Variants in TBX20 observed in about 807,000 individuals in gnomAD.
TBX20 encodes the protein T-box transcription factor TBX20.
A neutral mutation model predicts 42.9 loss-of-function variants in TBX20; 8 were observed. The ratio of observed to expected loss-of-function variants is 0.19; its 90% CI spans 0.11 to 0.34. The LOEUF (loss-of-function observed/expected upper bound fraction) is 0.34. Among genes scored for constraint, TBX20 ranks in the 10% least tolerant of loss-of-function variants. The probability of loss-of-function intolerance (pLI) is 1.00; values close to 1 mark genes in which losing one functional copy is unlikely to be tolerated. For synonymous variants in TBX20, 198 were observed against 222.8 expected (o/e 0.89, Z 0.99); for missense variants, 411 against 566.0 (o/e 0.73, Z 2.78).
chr7:35,222,737 T>G (rs1008713491), intron 6 of TBX20, among the ~76,000 whole-genome samples: 1 of 151,942 alleles, frequency 6.6e-6, no homozygotes, highest in African/African-American at 2.4e-5. Flanking sequence ...TGTAATCAGG[T>G]CTGTGTGGTG....
At chr7:35,216,010 G>C (rs370663641) in intron 6 of TBX20, among the ~76,000 whole-genome samples, 12 of 152,160 alleles carry the variant, frequency 7.9e-5, no homozygotes, top group East Asian at 7.7e-4. Flanking sequence ...ATTCTCCTTT[G>C]CAACACCATT....
At chr7:35,211,419 G>A (rs1789493760) in intron 6 of TBX20, among the ~76,000 whole-genome samples, 1 of 152,046 alleles carries the variant, frequency 6.6e-6, no homozygotes, top group African/African-American at 2.4e-5. Flanking sequence ...GCAGTTTCCT[G>A]GTGGTGAATT....
At chr7:35,207,426 G>T (rs1317030224) in intron 6 of TBX20, among the ~76,000 whole-genome samples, 2 of 152,080 alleles carry the variant, frequency 1.3e-5, no homozygotes, top group Non-Finnish European at 2.9e-5. Context: ...TTTCTTCTAG[G>T]CTGTGGCTTG....
At chr7:35,245,349 T>TGTGTGG (rs1554287409) in intron 3 of TBX20, among the ~76,000 whole-genome samples, 13 of 151,516 alleles carry the variant, frequency 8.6e-5, no homozygotes, top group African/African-American at 2.9e-4. Flanking sequence ...TGTGTGTGTG[T>TGTGTGG]TTTCATCTAT....
At chr7:35,253,217 C>G (rs1409589216) in intron 1 of TBX20, among the ~76,000 whole-genome samples, 3 of 152,130 alleles carry the variant, frequency 2.0e-5, no homozygotes, top group African/African-American at 7.2e-5. Flanking sequence ...TGTTTTTAAC[C>G]CAACAAACAT....
At chr7:35,251,505 C>T (rs1453855468) in intron 1 of TBX20, among the ~76,000 whole-genome samples, 2 of 152,142 alleles carry the variant, frequency 1.3e-5, no homozygotes, top group Non-Finnish European at 2.9e-5. Flanking sequence ...ATAACAAAAT[C>T]TTATTTTCTA....
chr7:35,221,803 G>A (rs1789688571), intron 6 of TBX20, among the ~76,000 whole-genome samples: 1 of 152,164 alleles, frequency 6.6e-6, no homozygotes, highest in African/African-American at 2.4e-5. Context: ...AGTAAACAGT[G>A]AATATGCCTG....
At chr7:35,224,223 A>G (rs1402896129) in intron 6 of TBX20, among the ~76,000 whole-genome samples, 2 of 152,264 alleles carry the variant, frequency 1.3e-5, no homozygotes, top group Non-Finnish European at 1.5e-5. Flanking sequence ...AAGGAAGGAA[A>G]AGATTTCAAT....
chr7:35,215,932 C>T (rs1040054445), intron 6 of TBX20, among the ~76,000 whole-genome samples: 4 of 152,170 alleles, frequency 2.6e-5, no homozygotes, highest in Non-Finnish European at 5.9e-5. Context: ...GGTTGCCCTT[C>T]CTCTAGCTTT....
At chr7:35,241,524 G>A (rs939039018) in intron 4 of TBX20, among the ~76,000 whole-genome samples, 7 of 152,184 alleles carry the variant, frequency 4.6e-5, no homozygotes, top group African/African-American at 1.7e-4. Context: ...TCAGTTTCTA[G>A]TCCTTTAATC....
At chr7:35,253,427 A>T (rs1242669843) in intron 1 of TBX20, 67 bp downstream of exon 1, 23 of 1,559,022 alleles carry the variant, frequency 1.5e-5, no homozygotes, top group Admixed American at 3.7e-5. Context: ...AGCCGCCTGC[A>T]GCCAGGGGCA....
chr7:35,251,370 AC>A lies in TBX20; in HGVS notation c.128-1168del, dbSNP rs535466300. On this transcript the variant is annotated intron_variant, in intron 1 of 7. Coordinates refer to ENST00000408931, the MANE Select transcript of TBX20 (RefSeq NM_001077653.2). ...CATCCGTACATGAAGAAAACAGGAA[AC>A]AGAGTGGTTTTACTTTTACTTCTCA... 3.3e-5 allele frequency among the ~76,000 whole-genome samples: 5 copies of A among 152,332 alleles called. No homozygotes were observed. The South Asian group carries it at 1.0e-3, about 32-fold the overall frequency.
At chr7:35,210,803 T>C (rs539658277) in intron 6 of TBX20, among the ~76,000 whole-genome samples, 1 of 152,294 alleles carries the variant, frequency 6.6e-6, no homozygotes, top group African/African-American at 2.4e-5. Flanking sequence ...ACATTTCTTG[T>C]AGGCAACATA....
intron 6 of TBX20, among the ~76,000 whole-genome samples, chr7:35,216,781 T>A (rs796704080): frequency 6.6e-6 from 1 of 152,174 alleles, no homozygotes; most frequent in Non-Finnish European, 1.5e-5. Flanking sequence ...AATATAGACC[T>A]GGCAAAACTG....
At position 35,231,593 on chromosome 7, in the gene TBX20, T is replaced by A. The variant is rs1562563027; in HGVS notation, c.814-13A>T. The A allele has an allele frequency of 3.2e-6, 5 of 1,580,206 alleles. No homozygotes were observed. In the South Asian group the frequency reaches 5.5e-5, roughly 17 times the overall value. On this transcript the variant is annotated splice_polypyrimidine_tract_variant and intron_variant, in intron 5 of 7. Transcript: ENST00000408931. ...TCAGCTTCGTTATCTGGAGAAAGAA[T>A]GGGTACAAAACAGTATCATTTATGA...
chr7:35,243,710 AGAAAATTAT>A (rs1448826411), intron 4 of TBX20, among the ~76,000 whole-genome samples: 1 of 152,210 alleles, frequency 6.6e-6, no homozygotes, highest in East Asian at 1.9e-4. Flanking sequence ...AAAAAACAAA[AGAAAATTAT>A]GCCAATAACC....
intron 6 of TBX20, among the ~76,000 whole-genome samples, chr7:35,214,854 T>C (rs1318788937): frequency 4.6e-5 from 7 of 152,204 alleles, no homozygotes; most frequent in Non-Finnish European, 8.8e-5. Context: ...CTTGTTTCAA[T>C]ATCTTGGAAG....
intron 5 of TBX20, among the ~76,000 whole-genome samples, chr7:35,233,570 TC>T (rs1194335909): frequency 1.3e-5 from 2 of 152,238 alleles, no homozygotes; most frequent in African/African-American, 4.8e-5. Flanking sequence ...CCTTGTTTCA[TC>T]CACTTATTCC....
intron 6 of TBX20, among the ~76,000 whole-genome samples, chr7:35,212,316 T>C (rs1020085608): frequency 9.9e-5 from 15 of 152,208 alleles, no homozygotes; most frequent in African/African-American, 3.4e-4. Context: ...CTGGAATGTA[T>C]GGAATACAAT....
Sources: gnomAD v4.1 joint callset for allele counts (sites outside exome capture counted in the v4.1 genomes callset) on GRCh38, gnomAD v4.1.1 for gene constraint, MANE v1.5 for transcripts, NCBI Gene and HGNC (gene_info 2026-07-23, HGNC 2026-07-21) for gene names.